The following PPFIA2 variants were observed in gnomAD, a reference collection of about 807,000 sequenced individuals.
PPFIA2 encodes the protein liprin-alpha-2.
A neutral mutation model predicts 175.5 loss-of-function variants in PPFIA2; 46 were observed. The ratio of observed to expected loss-of-function variants is 0.26; its 90% CI spans 0.21 to 0.34. The LOEUF (loss-of-function observed/expected upper bound fraction) is 0.34. Among genes scored for constraint, PPFIA2 ranks in the 10% least tolerant of loss-of-function variants. The probability of loss-of-function intolerance (pLI) is 1.00; values close to 1 mark genes in which losing one functional copy is unlikely to be tolerated. For missense variants in PPFIA2, 1,179 were observed against 1,506.1 expected (o/e 0.78, Z 3.60); for synonymous variants, 568 against 511.4 (o/e 1.11, Z -1.49).
At chr12:81,676,668 T>A (rs2072569523) in intron 4 of PPFIA2, 123 bp downstream of exon 4, 2 of 563,316 alleles carry the variant, frequency 3.6e-6, no homozygotes, top group Non-Finnish European at 5.5e-6. Flanking sequence ...TTAGTTTCTA[T>A]AATAGCTGTA....
intron 7 of PPFIA2, among the ~76,000 whole-genome samples, chr12:81,413,640 T>C (rs2044400803): frequency 6.6e-6 from 1 of 151,800 alleles, no homozygotes; most frequent in Non-Finnish European, 1.5e-5. Context: ...TTTCATTGCA[T>C]CTTAAAATAT....
At chr12:81,405,740 A>G (rs1003734143) in intron 8 of PPFIA2, 47 bp downstream of exon 8, 2 of 1,058,158 alleles carry the variant, frequency 1.9e-6, no homozygotes, top group South Asian at 1.6e-5. Flanking sequence ...GTCAAATGAT[A>G]TAAGAAGTAA....
intron 15 of PPFIA2, among the ~76,000 whole-genome samples, chr12:81,362,414 T>C (rs1255123265): frequency 6.6e-6 from 1 of 151,310 alleles, no homozygotes; most frequent in Non-Finnish European, 1.5e-5. Flanking sequence ...CAGTTCAATT[T>C]CTTCAATTAA....
At chr12:81,537,193 T>A (rs1006457001) in intron 4 of PPFIA2, among the ~76,000 whole-genome samples, 1 of 151,754 alleles carries the variant, frequency 6.6e-6, no homozygotes, top group African/African-American at 2.4e-5. Flanking sequence ...CAACAGAAGA[T>A]AATTCTTTGA....
rs926758670 is a variant in PPFIA2 at position 81,538,421 on chromosome 12, T to C, written c.304-80555A>G. ...AATGGAGTTTAGGTTCTAGTGCAGA[T>C]AGAAATAAACAATAAAAATACACAA... On this transcript the variant is annotated intron_variant, in intron 4 of 32. Coordinates refer to ENST00000549396, the MANE Select transcript of PPFIA2 (RefSeq NM_003625.5). Among the ~76,000 whole-genome samples the C allele has an allele frequency of 5.3e-5, 8 of 151,894 alleles. No individual in the cohort carries two copies. The South Asian group carries it at 1.7e-3, about 32-fold the overall frequency.
At position 81,724,042 on chromosome 12, in the gene PPFIA2, A is replaced by G. The variant is rs964622200; in HGVS notation, c.249+29931T>C. Among the ~76,000 whole-genome samples the G allele has an allele frequency of 6.6e-5, 10 of 151,030 alleles. No homozygotes were observed. The East Asian group carries it at 1.8e-3, about 27-fold the overall frequency. ...AATATAAGAAAAGTGAAACAGGGAAAGGTGACTGTTTCATAAGAGAATATT... is the reference window on the plus strand; with the variant it reads ...AATATAAGAAAAGTGAAACAGGGAAGGGTGACTGTTTCATAAGAGAATATT... On this transcript the variant is annotated intron_variant, in intron 3 of 32. Transcript: ENST00000549396.
At position 81,593,006 on chromosome 12, in the gene PPFIA2, C is replaced by T. The variant is rs142249573; in HGVS notation, c.303+83785G>A. ...CTCCTGAGCTCAGGAGTTCCACTTG[C>T]CTTGGCCTTGCAAAGTGCTGAGAAC... On this transcript the variant is annotated intron_variant, in intron 4 of 32. Coordinates refer to ENST00000549396, the MANE Select transcript of PPFIA2 (RefSeq NM_003625.5). 2.1e-3 allele frequency among the ~76,000 whole-genome samples: 323 copies of T among 152,172 alleles called. 1 individual carries two copies. The highest frequency in any genetic ancestry group is 6.8e-3 in the Middle Eastern group (2 of 294).
chr12:81,277,807 T>G (rs1244642945), intron 27 of PPFIA2, among the ~76,000 whole-genome samples: 1 of 152,206 alleles, frequency 6.6e-6, no homozygotes, highest in Non-Finnish European at 1.5e-5. Context: ...GGATACTCTC[T>G]TCTTAAGCTG....
chr12:81,286,317 G>T (rs1245473604), intron 24 of PPFIA2, among the ~76,000 whole-genome samples: 2 of 151,972 alleles, frequency 1.3e-5, no homozygotes, highest in Admixed American at 1.3e-4. Flanking sequence ...GTAGTATAAA[G>T]TATAGTGTTT....
At chr12:81,367,059 T>C (rs1306032432) in intron 14 of PPFIA2, 49 bp downstream of exon 14, 4 of 1,420,410 alleles carry the variant, frequency 2.8e-6, no homozygotes, top group South Asian at 1.5e-5. Context: ...ATCAGTGGAA[T>C]AGAAAATAAA....
chr12:81,563,152 C>G (rs1041878665), intron 4 of PPFIA2, among the ~76,000 whole-genome samples: 1 of 151,988 alleles, frequency 6.6e-6, no homozygotes, highest in Non-Finnish European at 1.5e-5. Context: ...CTACATATTC[C>G]TGCCCAAGTA....
intron 3 of PPFIA2, among the ~76,000 whole-genome samples, chr12:81,710,039 A>T (rs2153613537): frequency 6.6e-6 from 1 of 152,158 alleles, no homozygotes; most frequent in African/African-American, 2.4e-5. Flanking sequence ...TTAATAAATT[A>T]TGGCCTTTGC....
At chr12:81,432,069 T>A (rs1485497485) in intron 7 of PPFIA2, among the ~76,000 whole-genome samples, 1 of 151,960 alleles carries the variant, frequency 6.6e-6, no homozygotes, top group Non-Finnish European at 1.5e-5. Flanking sequence ...AGTCATACTG[T>A]ATTATAATTA....
At chr12:81,529,043 T>C (rs929794222) in intron 4 of PPFIA2, among the ~76,000 whole-genome samples, 42 of 152,118 alleles carry the variant, frequency 2.8e-4, no homozygotes, top group African/African-American at 9.9e-4. Context: ...GAAGAAGAAA[T>C]GAAAACTCAT....
At chr12:81,695,646 A>T (rs2075812027) in intron 3 of PPFIA2, among the ~76,000 whole-genome samples, 1 of 152,158 alleles carries the variant, frequency 6.6e-6, no homozygotes, top group African/African-American at 2.4e-5. Context: ...GATACTTTTT[A>T]AAAAAACAAT....
chr12:81,490,237 C>T (rs181037023), intron 4 of PPFIA2, among the ~76,000 whole-genome samples: 10 of 151,954 alleles, frequency 6.6e-5, no homozygotes, highest in East Asian at 1.9e-4. Flanking sequence ...ATTCTGAATT[C>T]GTTTTTTAAT....
At chr12:81,744,420 CTT>C (rs1167414059) in intron 3 of PPFIA2, among the ~76,000 whole-genome samples, 12 of 118,932 alleles carry the variant, frequency 1.0e-4, no homozygotes, top group Admixed American at 8.4e-5. Flanking sequence ...GAAATGCTTT[CTT>C]TTTTTTTTTT....
At chr12:81,311,718 G>A in intron 22 of PPFIA2, among the ~76,000 whole-genome samples, 1 of 124,706 alleles carries the variant, frequency 8.0e-6, no homozygotes, top group African/African-American at 3.2e-5. Context: ...GGGCAACATA[G>A]CAAGACTCTG....
intron 3 of PPFIA2, among the ~76,000 whole-genome samples, chr12:81,727,967 T>C (rs1160293602): frequency 6.6e-6 from 1 of 151,414 alleles, no homozygotes; most frequent in Non-Finnish European, 1.5e-5. Flanking sequence ...TATCAGATAG[T>C]GTACAAAATA....
Sources: gnomAD v4.1 joint callset for allele counts (sites outside exome capture counted in the v4.1 genomes callset) on GRCh38, gnomAD v4.1.1 for gene constraint, MANE v1.5 for transcripts, NCBI Gene and HGNC (gene_info 2026-07-23, HGNC 2026-07-21) for gene names.